Variants in KIF1B observed in about 807,000 individuals in gnomAD.
KIF1B encodes the protein kinesin family member 1B.
Under a neutral mutation model 241.9 loss-of-function variants are expected in KIF1B, and 76 were observed. That is an observed-to-expected ratio of 0.31 (90% CI 0.26 to 0.38). KIF1B has a LOEUF of 0.38. KIF1B is among the 10% of genes least tolerant of loss of function. KIF1B has a pLI of 1.00. For missense variants in KIF1B, 1,622 were observed against 2,271.4 expected (o/e 0.71, Z 5.81); for synonymous variants, 750 against 796.7 (o/e 0.94, Z 0.99).
intron 1 of KIF1B, among the ~76,000 whole-genome samples, chr1:10,214,198 T>C (rs1380050972): frequency 6.6e-6 from 1 of 152,168 alleles, no homozygotes; most frequent in African/African-American, 2.4e-5. Flanking sequence ...GATGCTCTTT[T>C]ACTATAGGCA....
intron 17 of KIF1B, among the ~76,000 whole-genome samples, chr1:10,292,807 T>A (rs1650067757): frequency 6.6e-6 from 1 of 152,240 alleles, no homozygotes; most frequent in Non-Finnish European, 1.5e-5. Flanking sequence ...GACTATCAAA[T>A]GGTTATTTTG....
chr1:10,281,903 G>A (rs562745790), intron 14 of KIF1B, among the ~76,000 whole-genome samples: 1 of 152,298 alleles, frequency 6.6e-6, no homozygotes, highest in African/African-American at 2.4e-5. Context: ...AATGATCATT[G>A]TTTTCCCTTA....
At chr1:10,347,438 T>TA (rs965328750) in intron 35 of KIF1B, among the ~76,000 whole-genome samples, 3 of 152,092 alleles carry the variant, frequency 2.0e-5, no homozygotes, top group African/African-American at 4.8e-5. Flanking sequence ...TTCTGAATCT[T>TA]AAAAAAAACT....
chr1:10,352,582 T>G, intron 37 of KIF1B, 49 bp from the exon 38 acceptor site: 1 of 1,485,924 alleles, frequency 6.7e-7, no homozygotes, highest in South Asian at 1.1e-5. Context: ...GAATTCATGT[T>G]TTGTTTTCAA....
At chr1:10,253,079 T>C (rs910741649) in intron 2 of KIF1B, among the ~76,000 whole-genome samples, 3 of 152,156 alleles carry the variant, frequency 2.0e-5, no homozygotes, top group Non-Finnish European at 4.4e-5. Context: ...GGTGGCCACA[T>C]ACATGTAGGT....
At chr1:10,224,277 T>G (rs1646882908) in intron 1 of KIF1B, among the ~76,000 whole-genome samples, 1 of 152,078 alleles carries the variant, frequency 6.6e-6, no homozygotes, top group South Asian at 2.1e-4. Context: ...TCACCACGCC[T>G]GGCTAATTTT....
intron 40 of KIF1B, 77 bp from the exon 41 acceptor site, chr1:10,363,196 AAGACACTATT>A: frequency 1.0e-6 from 1 of 963,634 alleles, no homozygotes; most frequent in South Asian, 1.3e-5. Context: ...CCCTGCAGAG[AAGACACTATT>A]TTAAGTAGCA....
In KIF1B at chr1:10,278,197, T is replaced by C. The variant is rs962344905; in HGVS notation, c.1180+69T>C. 29 of 1,496,982 alleles carry C rather than the reference T, an allele frequency of 1.9e-5. No individual in the cohort carries two copies. In the African/African-American group the frequency reaches 2.1e-4, roughly 11 times the overall value. 92.7% of individuals were successfully genotyped at this position (1,496,982 alleles called of 1,614,324 possible). On this transcript the variant is annotated intron_variant, in intron 13 of 48. Transcript: ENST00000676179. Reference sequence around the variant, plus strand: ...TCAGGGTTCTTATTCAGCGTTCTTATATTTAAAATAAACTTCAAGTTAAGG... The same window carrying C: ...TCAGGGTTCTTATTCAGCGTTCTTACATTTAAAATAAACTTCAAGTTAAGG...
intron 22 of KIF1B, among the ~76,000 whole-genome samples, chr1:10,319,103 CTTTT>C (rs1267312262): frequency 2.3e-5 from 3 of 131,932 alleles, no homozygotes; most frequent in Admixed American, 7.5e-5. Context: ...TACAATAATC[CTTTT>C]TTTTTTTTTT....
chr1:10,356,542 A>T (rs1329794408), intron 38 of KIF1B, among the ~76,000 whole-genome samples: 1 of 151,638 alleles, frequency 6.6e-6, no homozygotes, highest in African/African-American at 2.4e-5. Flanking sequence ...TTTTCTTGAG[A>T]CGGGGTGTTG....
At chr1:10,312,405 C>A (rs879607111) in intron 22 of KIF1B, among the ~76,000 whole-genome samples, 1 of 151,412 alleles carries the variant, frequency 6.6e-6, no homozygotes, top group Non-Finnish European at 1.5e-5. Context: ...CTTCTTATTT[C>A]CATAGTTCCT....
At chr1:10,312,705 C>G (rs578012362) in intron 22 of KIF1B, among the ~76,000 whole-genome samples, 1 of 151,610 alleles carries the variant, frequency 6.6e-6, no homozygotes, top group Non-Finnish European at 1.5e-5. Context: ...CCAAAGACCT[C>G]TGCCTGCTTA....
intron 34 of KIF1B, among the ~76,000 whole-genome samples, chr1:10,344,170 C>T (rs1413380582): frequency 6.6e-6 from 1 of 152,172 alleles, no homozygotes; most frequent in African/African-American, 2.4e-5. Context: ...ATTTTCTGAG[C>T]ACGCCAGTGT....
intron 17 of KIF1B, among the ~76,000 whole-genome samples, chr1:10,293,394 T>G (rs1650104504): frequency 8.0e-5 from 2 of 24,856 alleles, no homozygotes; most frequent in African/African-American, 2.5e-3. Flanking sequence ...TGTGAGGAAA[T>G]TTTTTTTTTT....
At chr1:10,317,205 A>T (rs577774879) in intron 22 of KIF1B, among the ~76,000 whole-genome samples, 1 of 151,748 alleles carries the variant, frequency 6.6e-6, no homozygotes, top group African/African-American at 2.4e-5. Flanking sequence ...CTTTTAAAAA[A>T]TTTTTATTTA....
At chr1:10,269,208 G>T (rs971566612) in intron 7 of KIF1B, among the ~76,000 whole-genome samples, 2 of 152,070 alleles carry the variant, frequency 1.3e-5, no homozygotes, top group African/African-American at 4.8e-5. Flanking sequence ...AGCTGAAAAT[G>T]ATTTTTAAAA....
rs959328790 is a variant in KIF1B at position 10,326,860 on chromosome 1, A to G, written c.2924+501A>G. Among the ~76,000 whole-genome samples the G allele has an allele frequency of 1.3e-5, 2 of 152,180 alleles. No homozygotes were observed. Among genetic ancestry groups the G allele is most frequent in the African/African-American group, 4.8e-5 (2 of 41,446 alleles). ...AAAGTAGATTCAGGAGTAGAGTTAA[A>G]TTTATTTTTTGCTTAGTCTACTGAA... is the stretch of plus-strand genomic sequence containing the variant. On this transcript the variant is annotated intron_variant, in intron 27 of 48. Transcript: ENST00000676179. The surrounding 1 kb of genome is among the most constrained non-coding windows in gnomAD (Gnocchi z 5.2).
In KIF1B at chr1:10,324,565, A is replaced by G. The variant is rs878921066; in HGVS notation, c.2538-193A>G. Among the ~76,000 whole-genome samples the G allele has an allele frequency of 4.6e-5, 7 of 152,108 alleles. No individual in the cohort carries two copies. The South Asian group carries it at 1.5e-3, about 32-fold the overall frequency. Reference sequence around the variant, plus strand: ...TCTTGACTTTTGATGGCTTATCTCTAGAATCAAGACACTTTAGATACTGAG... The same window carrying G: ...TCTTGACTTTTGATGGCTTATCTCTGGAATCAAGACACTTTAGATACTGAG... On this transcript the variant is annotated intron_variant, in intron 25 of 48. Coordinates refer to ENST00000676179, the MANE Select transcript of KIF1B (RefSeq NM_001365951.3).
intron 1 of KIF1B, among the ~76,000 whole-genome samples, chr1:10,212,266 T>C (rs1194495505): frequency 6.6e-6 from 1 of 152,234 alleles, no homozygotes; most frequent in Non-Finnish European, 1.5e-5. Context: ...CATAACAAAA[T>C]CTAGTTCTTG....
Sources: gnomAD v4.1 joint callset for allele counts (sites outside exome capture counted in the v4.1 genomes callset) on GRCh38, gnomAD v4.1.1 for gene constraint, Gnocchi (gnomAD v3.1) non-coding constraint, MANE v1.5 for transcripts, NCBI Gene and HGNC (gene_info 2026-07-23, HGNC 2026-07-21) for gene names.